ALAS2: variants seen among roughly 807,000 people sequenced by gnomAD.
ALAS2 encodes the protein 5'-aminolevulinate synthase 2, also known as 5-aminolevulinate synthase, erythroid-specific, mitochondrial.
In ALAS2, 3 loss-of-function variants were observed where a neutral mutation model predicts 33.7. The observed-to-expected ratio is 0.09, with a 90% CI of 0.04 to 0.23. The LOEUF is 0.23. ALAS2 is among the 10% of genes least tolerant of loss of function. The pLI, the probability that ALAS2 is intolerant of heterozygous loss-of-function variation, is 1.00. For synonymous variants in ALAS2, 191 were observed against 177.3 expected (o/e 1.08, Z -0.61); for missense variants, 304 against 475.1 (o/e 0.64, Z 3.35).
rs748740832 is a variant in ALAS2 at position 55,021,043 on chromosome X, A to C, written c.638+9T>G. 5.0e-6 allele frequency: 6 copies of C among 1,201,198 alleles called. No homozygotes were observed. In the East Asian group the frequency reaches 1.2e-4, roughly 24 times the overall value. ...GGCCACTGCTGATGGCTGAAAGCCT[A>C]CTACTCACTGTGTGGCTTGCAAGAC... On this transcript the variant is annotated intron_variant, in intron 5 of 10. Transcript: ENST00000650242.
chrX:55,030,927 G>A lies in ALAS2; in HGVS notation c.-16+15C>T, dbSNP rs1322709861. 14 of 340,224 alleles carry A rather than the reference G, an allele frequency of 4.1e-5. No homozygotes were observed. The allele number at this position is 340,224 out of a possible 1,213,427, so 28.0% of individuals were successfully genotyped here. A position where few individuals can be genotyped will look rare whatever the true frequency, so the allele number is the denominator to read the frequency against. On this transcript the variant is annotated intron_variant, in intron 1 of 10. Transcript: ENST00000650242. ...CAGACCAGAGATAGGGTGCCAGGCT[G>A]AAAGCAGCTCTTACCTGTTGCCCTG...
Position 55,024,754 on chromosome X carries a change from G to A in ALAS2, c.268C>T (p.Pro90Ser), listed in dbSNP as rs1304610468. The A allele has an allele frequency of 8.3e-7, 1 of 1,209,985 alleles. No individual in the cohort carries two copies. The highest frequency in any genetic ancestry group is 1.1e-6 in the Non-Finnish European group (1 of 895,192). ...GKSKIVQKAA[P>S]EVQEDVKAFK... The stretch of plus-strand genomic sequence containing the variant: ...GCCTTCACATCTTCCTGGACTTCTG[G>A]GGCTGCCTTCTGCACAATCTTGCTC... Residue 90 changes from proline to serine, a missense_variant, in exon 3 of 11, where the codon CCA (proline) becomes TCA (serine). Around this residue, in one of 3 missense-constraint regions of ALAS2, gnomAD observed 71 missense variants for 82.8 expected, o/e 0.86. Coordinates refer to ENST00000650242, the MANE Select transcript of ALAS2 (RefSeq NM_000032.5).
chrX:55,020,273 G>C, intron 6 of ALAS2, 47 bp downstream of exon 6: 1 of 1,146,357 alleles, frequency 8.7e-7, no homozygotes, highest in Non-Finnish European at 1.2e-6. Context: ...ACTGGATGCT[G>C]TATTGCAGGA....
chrX:55,014,631 G>A, intron 9 of ALAS2, 116 bp downstream of exon 9: 1 of 921,279 alleles, frequency 1.1e-6, no homozygotes, highest in Non-Finnish European at 1.4e-6. Context: ...GCAATAAAGG[G>A]AATGGTTAGC....
At chrX:55,013,465 G>T in intron 10 of ALAS2, 21 bp downstream of exon 10, 1 of 1,197,594 alleles carries the variant, frequency 8.4e-7, no homozygotes, top group Non-Finnish European at 1.1e-6. Context: ...GGTCCTGTAG[G>T]CACCCATGTT....
rs758927891 is a variant in ALAS2, at chrX:55,020,348, A to G, written c.795T>C (p.Thr265=). ...FSSCFVANDS[T]LFTLAKILPG... Reference sequence around the variant, plus strand: ...GCAGGATCTTGGCCAAGGTGAAGAGAGTAGAGTCATTGGCAACAAAGCAGG... The same window carrying G: ...GCAGGATCTTGGCCAAGGTGAAGAGGGTAGAGTCATTGGCAACAAAGCAGG... Residue 265 remains threonine (T), a synonymous_variant, in exon 6 of 11, where the codon ACT becomes ACC. Coordinates refer to ENST00000650242, the MANE Select transcript of ALAS2 (RefSeq NM_000032.5). 4 of 1,207,863 alleles carry G rather than the reference A, an allele frequency of 3.3e-6. No individual in the cohort carries two copies. The East Asian group carries it at 1.2e-4, about 36-fold the overall frequency.
intron 10 of ALAS2, among the ~76,000 whole-genome samples, chrX:55,010,599 C>T (rs372234075): frequency 1.4e-3 from 151 of 111,140 alleles, no homozygotes; most frequent in African/African-American, 4.6e-3. Flanking sequence ...GATGCCATTC[C>T]CTTAGATATC....
chrX:55,029,864 A>G (rs902963034), intron 1 of ALAS2, among the ~76,000 whole-genome samples: 1 of 111,104 alleles, frequency 9.0e-6, no homozygotes, highest in Non-Finnish European at 1.9e-5. Flanking sequence ...TCAGCACCCA[A>G]TCTGTACTCC....
chrX:55,027,856 C>G (rs773675654), intron 1 of ALAS2: 39 of 1,101,888 alleles, frequency 3.5e-5, no homozygotes, highest in Non-Finnish European at 4.9e-5. Flanking sequence ...GGCATGTGGG[C>G]CCTGAAATTG....
In ALAS2 at chrX:55,023,859, T is replaced by C; in HGVS notation, c.313A>G (p.Ser105Gly). 8.3e-7 allele frequency: 1 copy of C among 1,203,801 alleles called. No individual in the cohort carries two copies. ...CTTAGGCTGACTGAGACCAGGGAGC[T>C]AGGCAGATCTGAGACGGAATGTGAG... is the stretch of plus-strand genomic sequence containing the variant. ...DVKAFKTDLP[S>G]SLVSVSLRKP... Residue 105 changes from serine (S) to glycine (G), a missense_variant, in exon 4 of 11, where the codon AGC becomes GGC. By Grantham distance (56) the Ser-to-Gly change is moderately conservative (BLOSUM62 0). Transcript: ENST00000650242.
At position 55,024,004 on chromosome X, in the gene ALAS2, ATCT is replaced by A. The variant is rs914114811; in HGVS notation, c.305-140_305-138del. 2.5e-5 allele frequency: 13 copies of A among 514,813 alleles called. No individual in the cohort carries two copies. The African/African-American group carries it at 3.0e-4, about 12-fold the overall frequency. The allele number at this position is 514,813 out of a possible 1,213,427, so 42.4% of individuals were successfully genotyped here. A position where few individuals can be genotyped will look rare whatever the true frequency, so the allele number is the denominator to read the frequency against. On this transcript the variant is annotated intron_variant, in intron 3 of 10. Coordinates refer to ENST00000650242, the MANE Select transcript of ALAS2 (RefSeq NM_000032.5). The stretch of plus-strand genomic sequence containing the variant: ...AGGGCAGCTTCTACAGCGAGAAGAA[ATCT>A]TCTCCAAGGTGAGCTTCTATTTATC...
chrX:55,018,872 A>T (rs1334566184), intron 6 of ALAS2, among the ~76,000 whole-genome samples: 1 of 111,576 alleles, frequency 9.0e-6, no homozygotes, highest in Non-Finnish European at 1.9e-5. Flanking sequence ...TTCTTTAAAA[A>T]ATGATGTTGG....
In ALAS2 at chrX:55,019,373, T is replaced by C. The variant is rs751004715; in HGVS notation, c.823+947A>G. 2.7e-5 allele frequency among the ~76,000 whole-genome samples: 3 copies of C among 111,340 alleles called. No individual in the cohort carries two copies. In the East Asian group the frequency reaches 8.5e-4, roughly 31 times the overall value. ...GTGAGGAGAGGACATTTGAAGATGC[T>C]TATGAGTTTGTAGGTGCTTTGTGGC... On this transcript the variant is annotated intron_variant, in intron 6 of 10. Coordinates refer to ENST00000650242, the MANE Select transcript of ALAS2 (RefSeq NM_000032.5).
chrX:55,026,737 G>A (rs1178077818), intron 1 of ALAS2, among the ~76,000 whole-genome samples: 1 of 112,217 alleles, frequency 8.9e-6, no homozygotes, highest in Non-Finnish European at 1.9e-5. Context: ...AGTGAAACAG[G>A]CAGAGGCCAA....
Position 55,015,957 on chromosome X carries a change from CTCTG to C in ALAS2, c.1004-219_1004-216del, listed in dbSNP as rs1399176141. Among the ~76,000 whole-genome samples the C allele has an allele frequency of 4.8e-3, 414 of 86,270 alleles. 3 individuals are homozygous for C. The highest frequency in any genetic ancestry group is 0.017 in the African/African-American group (372 of 22,348). 74.9% of individuals were successfully genotyped at this position (86,270 alleles called of 115,157 possible). On this transcript the variant is annotated intron_variant, in intron 7 of 10. Coordinates refer to ENST00000650242, the MANE Select transcript of ALAS2 (RefSeq NM_000032.5). Reference sequence around the variant, plus strand: ...GCCTTCTCTCTCTCTCTCTCTGTCTCTCTGTGTGTGTGTGTGTGTGTGTGTGTGT... The same window carrying C: ...GCCTTCTCTCTCTCTCTCTCTGTCTCTGTGTGTGTGTGTGTGTGTGTGTGT...
Position 55,015,957 on chromosome X carries a change from CTCTGTGTGTGTGTGTGTG to C in ALAS2, c.1004-233_1004-216del, listed in dbSNP as rs1484144161. On this transcript the variant is annotated intron_variant, in intron 7 of 10. Coordinates refer to ENST00000650242, the MANE Select transcript of ALAS2 (RefSeq NM_000032.5). ...GCCTTCTCTCTCTCTCTCTCTGTCT[CTCTGTGTGTGTGTGTGTG>C]TGTGTGTGTGTGTGTGTGTGTGTGT... Among the ~76,000 whole-genome samples the C allele has an allele frequency of 1.9e-3, 164 of 86,309 alleles. 2 individuals carry two copies. Among genetic ancestry groups the C allele is most frequent in the African/African-American group, 7.1e-3 (159 of 22,385 alleles). 74.9% of individuals were successfully genotyped at this position (86,309 alleles called of 115,157 possible). A position where few individuals can be genotyped will look rare whatever the true frequency, so the allele number is the denominator to read the frequency against.
intron 10 of ALAS2, among the ~76,000 whole-genome samples, chrX:55,011,536 C>T (rs1935602426): frequency 9.1e-6 from 1 of 110,453 alleles, no homozygotes; most frequent in Non-Finnish European, 1.9e-5. Flanking sequence ...TTGAGAGGAG[C>T]AAGAGAGAAG....
intron 1 of ALAS2, among the ~76,000 whole-genome samples, chrX:55,028,579 A>G (rs772652123): frequency 9.0e-6 from 1 of 111,698 alleles, no homozygotes; most frequent in African/African-American, 3.2e-5. Flanking sequence ...GCTTTTGGCC[A>G]TGATATGCTC....
intron 2 of ALAS2, among the ~76,000 whole-genome samples, 199 bp from the exon 3 acceptor site, chrX:55,025,039 A>G (rs1219445747): frequency 9.0e-6 from 1 of 111,511 alleles, no homozygotes; most frequent in Non-Finnish European, 1.9e-5. Context: ...CATTGTGAAC[A>G]GTGCTGGGAT....
Sources: gnomAD v4.1 joint callset for allele counts (sites outside exome capture counted in the v4.1 genomes callset) on GRCh38, gnomAD v4.1.1 for gene constraint, gnomAD v4.1.1 regional missense constraint, MANE v1.5 for transcripts, NCBI Gene and HGNC (gene_info 2026-07-23, HGNC 2026-07-21) for gene names.